Variants in SMG1 observed in about 807,000 individuals in gnomAD.
SMG1 encodes the protein serine/threonine-protein kinase SMG1.
Under a neutral mutation model 419.9 loss-of-function variants are expected in SMG1, and 22 were observed. The ratio of observed to expected loss-of-function variants is 0.05; its 90% CI spans 0.04 to 0.07. The LOEUF is 0.07. SMG1 is among the 10% of genes least tolerant of loss of function. The probability of loss-of-function intolerance (pLI) is 1.00; values close to 1 mark genes in which losing one functional copy is unlikely to be tolerated. For missense variants in SMG1, 3,185 were observed against 4,342.0 expected (o/e 0.73, Z 7.49); for synonymous variants, 1,538 against 1,553.5 (o/e 0.99, Z 0.23).
rs376431530 is a variant in SMG1 at position 18,850,425 on chromosome 16, C to T, written c.5095G>A (p.Glu1699Lys). The change falls in exon 34 of 63, where the codon GAA becomes AAA. Residue 1699 changes from glutamate (E) to lysine (K), a missense_variant. Around this residue, in one of 27 missense-constraint regions of SMG1, gnomAD observed 493 missense variants for 552.9 expected, o/e 0.89. Transcript: ENST00000446231. Reference protein sequence around the residue: ...TLQITESEDNEEDDMVDVIWR... With the variant: ...TLQITESEDNKEDDMVDVIWR... The stretch of plus-strand genomic sequence containing the variant: ...ATAACATCAACCATGTCATCTTCTT[C>T]GTTGTCTTCACTCTCAGTTATCTGA... 4 of 1,613,704 alleles carry T rather than the reference C, an allele frequency of 2.5e-6. No individual in the cohort carries two copies. Among genetic ancestry groups the T allele is most frequent in the Non-Finnish European group, 3.4e-6 (4 of 1,179,858 alleles).
At chr16:18,879,184 G>C (rs2036277101) in intron 11 of SMG1, 2 of 392,872 alleles carry the variant, frequency 5.1e-6, no homozygotes, top group African/African-American at 2.1e-5. Flanking sequence ...GGCACAATCA[G>C]AGCTCTCTTC....
intron 55 of SMG1, 30 bp downstream of exon 55, chr16:18,828,001 G>A (rs2032871657): frequency 6.3e-7 from 1 of 1,597,478 alleles, no homozygotes; most frequent in Non-Finnish European, 8.5e-7. Flanking sequence ...AAAAGAAAAT[G>A]CCCTGGAAGG....
chr16:18,921,862 T>C (rs530614386), intron 1 of SMG1, among the ~76,000 whole-genome samples: 1 of 152,316 alleles, frequency 6.6e-6, no homozygotes, highest in East Asian at 1.9e-4. Flanking sequence ...TTTGAATACT[T>C]TAATCTGTCT....
At chr16:18,845,373 A>T in intron 39 of SMG1, 56 bp downstream of exon 39, 2 of 1,445,636 alleles carry the variant, frequency 1.4e-6, no homozygotes, top group East Asian at 2.3e-5. Context: ...GAAATTTCGT[A>T]TCTCATGGGA....
chr16:18,921,137 CAAAAAAAAAA>C (rs548882021), intron 1 of SMG1, among the ~76,000 whole-genome samples: 1 of 77,716 alleles, frequency 1.3e-5, no homozygotes, highest in African/African-American at 4.7e-5. Flanking sequence ...AACTCTGTCT[CAAAAAAAAAA>C]AAAAAAAAGA....
Position 18,859,541 on chromosome 16 carries a change from T to A in SMG1, c.3953+15A>T. 7.0e-7 allele frequency: 1 copy of A among 1,434,688 alleles called. No homozygotes were observed. The highest frequency in any genetic ancestry group is 9.7e-7 in the Non-Finnish European group (1 of 1,030,296). 88.9% of individuals were successfully genotyped at this position (1,434,688 alleles called of 1,614,324 possible). The stretch of plus-strand genomic sequence containing the variant: ...TATACACAATGTACATTTACCTCCG[T>A]AAGAGTAAACTTACTCAGTTATAGA... On this transcript the variant is annotated intron_variant, in intron 27 of 62. Transcript: ENST00000446231.
chr16:18,853,948 T>A (rs2034746867), intron 30 of SMG1, 81 bp from the exon 31 acceptor site: 3 of 1,295,536 alleles, frequency 2.3e-6, no homozygotes, highest in African/African-American at 1.5e-5. Context: ...GAAACAAATA[T>A]CAACATGGTG....
At chr16:18,867,030 G>A (rs1478871445) in intron 22 of SMG1, among the ~76,000 whole-genome samples, 4 of 152,110 alleles carry the variant, frequency 2.6e-5, no homozygotes, top group Admixed American at 1.3e-4. Flanking sequence ...TTCAACCTGT[G>A]ACCTCTGTAG....
intron 54 of SMG1, among the ~76,000 whole-genome samples, chr16:18,828,970 T>G (rs368271287): frequency 7.3e-5 from 11 of 150,152 alleles, no homozygotes; most frequent in Admixed American, 2.0e-4. Context: ...TGCACTCCAG[T>G]CTGGGCAAGA....
rs2030717184 is a variant in SMG1, at chr16:18,805,252, A to T, written c.*4317T>A. ...AAATGACACAATAACTTTAAAGAGG[A>T]GCTGAAACTTTGTCAAAAAAAGAAA... On this transcript the variant is annotated 3_prime_UTR_variant, in exon 63 of 63. Coordinates refer to ENST00000446231, the MANE Select transcript of SMG1 (RefSeq NM_015092.5). 1 of 152,266 alleles carries T rather than the reference A, an allele frequency of 6.6e-6. No individual in the cohort carries two copies. Among genetic ancestry groups the T allele is most frequent in the Non-Finnish European group, 1.5e-5 (1 of 68,048 alleles). The allele number at this position is 152,266 out of a possible 1,614,324, so 9.4% of individuals were successfully genotyped here.
rs766665415 is a variant in SMG1, at chr16:18,859,670, G to A, written c.3839C>T (p.Pro1280Leu). Reference sequence around the variant, plus strand: ...GGATTTCTGAAGTTCCCTCGGATCCGGACTTAACATGTTAGGAAGCAGTTT... The same window carrying A: ...GGATTTCTGAAGTTCCCTCGGATCCAGACTTAACATGTTAGGAAGCAGTTT... ...MKKLLPNMLS[P>L]DPRELQKSIE... is the part of the protein sequence containing the mutation. The change falls in exon 27 of 63, where the codon CCG (proline) becomes CTG (leucine). Residue 1280 changes from proline (P) to leucine (L), a missense_variant. This residue lies in a region of SMG1 where 120 missense variants were observed against 193.3 expected (regional missense o/e 0.62). Coordinates refer to ENST00000446231, the MANE Select transcript of SMG1 (RefSeq NM_015092.5). 1.2e-5 allele frequency: 19 copies of A among 1,610,548 alleles called. No individual in the cohort carries two copies. The highest frequency in any genetic ancestry group is 2.7e-5 in the African/African-American group (2 of 74,716).
intron 9 of SMG1, 134 bp from the exon 10 acceptor site, chr16:18,882,472 G>A (rs2036441465): frequency 2.0e-6 from 1 of 494,464 alleles, no homozygotes; most frequent in African/African-American, 2.0e-5. Context: ...TGTGGCCCAT[G>A]AGAATATTCA....
At chr16:18,832,593 C>T (rs1752699441) in intron 51 of SMG1, among the ~76,000 whole-genome samples, 1 of 151,634 alleles carries the variant, frequency 6.6e-6, no homozygotes, top group South Asian at 2.1e-4. Context: ...CACACACACA[C>T]ACACACACAC....
chr16:18,853,926 CA>C lies in SMG1; in HGVS notation c.4484-60del, dbSNP rs995030241. 48 of 1,465,038 alleles carry C rather than the reference CA, an allele frequency of 3.3e-5. No individual in the cohort carries two copies. In the African/African-American group the frequency reaches 5.5e-4, roughly 17 times the overall value. The allele number at this position is 1,465,038 out of a possible 1,614,324, so 90.8% of individuals were successfully genotyped here. On this transcript the variant is annotated intron_variant, in intron 30 of 62. Transcript: ENST00000446231. The stretch of plus-strand genomic sequence containing the variant: ...TTTAAAAGCAAATGATGGAGGGAGG[CA>C]CTTGGATTAGGAAACAAATATCAAC...
intron 38 of SMG1, among the ~76,000 whole-genome samples, chr16:18,847,222 T>G (rs566704148): frequency 3.9e-5 from 6 of 152,102 alleles, no homozygotes; most frequent in Non-Finnish European, 7.4e-5. Context: ...GGCCAGGAAC[T>G]GAGGTGAGGG....
chr16:18,909,317 G>C (rs1374624264), intron 1 of SMG1, among the ~76,000 whole-genome samples: 1 of 151,860 alleles, frequency 6.6e-6, no homozygotes, highest in Non-Finnish European at 1.5e-5. Flanking sequence ...ACTCCAGCCT[G>C]TGCAACAAGA....
At chr16:18,919,525 G>A (rs1357619822) in intron 1 of SMG1, among the ~76,000 whole-genome samples, 2 of 151,958 alleles carry the variant, frequency 1.3e-5, no homozygotes, top group East Asian at 3.9e-4. Flanking sequence ...TCAGGAGGAT[G>A]AGGCAGGAGA....
chr16:18,812,123 G>C lies in SMG1; in HGVS notation c.10626C>G (p.Val3542=). The change falls in exon 61 of 63, where the codon GTC becomes GTG. Residue 3542 remains valine (V), a synonymous_variant. Transcript: ENST00000446231. Reference sequence around the variant, plus strand: ...GAGTCTTCTGGCCAGTGTTACTCCGGACTGCTACAGAGAAAGAGTTGGTGG... The same window carrying C: ...GAGTCTTCTGGCCAGTGTTACTCCGCACTGCTACAGAGAAAGAGTTGGTGG... ...ATYQPSFAAA[V]RSNTGQKTQP... is the part of the protein sequence containing the mutation. 6.2e-7 allele frequency: 1 copy of C among 1,610,654 alleles called. No homozygotes were observed. Among genetic ancestry groups the C allele is most frequent in the Non-Finnish European group, 8.5e-7 (1 of 1,178,308 alleles).
intron 13 of SMG1, among the ~76,000 whole-genome samples, chr16:18,873,801 C>T (rs889133731): frequency 1.3e-5 from 2 of 152,194 alleles, no homozygotes; most frequent in African/African-American, 4.8e-5. Context: ...CCACTCTACA[C>T]CTTTTCCATC....
Sources: gnomAD v4.1 joint callset for allele counts (sites outside exome capture counted in the v4.1 genomes callset) on GRCh38, gnomAD v4.1.1 for gene constraint, gnomAD v4.1.1 regional missense constraint, MANE v1.5 for transcripts, NCBI Gene and HGNC (gene_info 2026-07-23, HGNC 2026-07-21) for gene names.